MAP4K4: variants seen among roughly 807,000 people sequenced by gnomAD.
MAP4K4 encodes the protein mitogen-activated protein kinase kinase kinase kinase 4, also known as HPK/GCK-like kinase HGK.
A neutral mutation model predicts 189.6 loss-of-function variants in MAP4K4; 38 were observed. The ratio of observed to expected loss-of-function variants is 0.20; its 90% CI spans 0.15 to 0.26. MAP4K4 has a LOEUF of 0.26. Among genes scored for constraint, MAP4K4 ranks in the 10% least tolerant of loss-of-function variants. The pLI, the probability that MAP4K4 is intolerant of heterozygous loss-of-function variation, is 1.00. For missense variants in MAP4K4, 1,054 were observed against 1,726.9 expected (o/e 0.61, Z 6.91); for synonymous variants, 610 against 624.3 (o/e 0.98, Z 0.34).
intron 6 of MAP4K4, among the ~76,000 whole-genome samples, chr2:101,830,998 G>T (rs1325215944): frequency 1.3e-5 from 2 of 152,098 alleles, no homozygotes; most frequent in Non-Finnish European, 2.9e-5. Flanking sequence ...CTTTTTGCAT[G>T]GGCTCCTCCA....
chr2:101,810,441 C>T (rs1263538423), intron 3 of MAP4K4, among the ~76,000 whole-genome samples: 2 of 152,132 alleles, frequency 1.3e-5, no homozygotes, highest in African/African-American at 4.8e-5. Context: ...TCATTAGCCT[C>T]TTGCATTGGA....
At chr2:101,861,066 GT>G in intron 16 of MAP4K4, 80 bp downstream of exon 16, 1 of 1,325,590 alleles carries the variant, frequency 7.5e-7, no homozygotes, top group Non-Finnish European at 1.0e-6. Flanking sequence ...TAATATCACA[GT>G]TTAGTTTGTC....
rs781516950 is a variant in MAP4K4 at position 101,834,406 on chromosome 2, C to T, written c.640-3C>T. ...TCTGTAACGTACTGTTTTATTTTTG[C>T]AGAGTGATCTTTGGTCTTGTGGCAT... is the stretch of plus-strand genomic sequence containing the variant. On this transcript the variant is annotated splice_polypyrimidine_tract_variant and splice_region_variant and intron_variant, in intron 7 of 32. Transcript: ENST00000324219. 7 of 1,603,466 alleles carry T rather than the reference C, an allele frequency of 4.4e-6. No individual in the cohort carries two copies. The highest frequency in any genetic ancestry group is 2.2e-5 in the South Asian group (2 of 89,232).
intron 26 of MAP4K4, 60 bp from the exon 27 acceptor site, chr2:101,876,943 C>T (rs1246714467): frequency 6.4e-7 from 1 of 1,568,218 alleles, no homozygotes; most frequent in Non-Finnish European, 8.7e-7. Context: ...CCTTTCTATA[C>T]AACCTGGGGA....
chr2:101,810,159 C>A (rs2095324179), intron 3 of MAP4K4, among the ~76,000 whole-genome samples: 1 of 152,052 alleles, frequency 6.6e-6, no homozygotes, highest in Non-Finnish European at 1.5e-5. Context: ...AGGAGGGAAC[C>A]CTTTGGCTAA....
intron 14 of MAP4K4, 85 bp from the exon 15 acceptor site, chr2:101,859,558 C>CT (rs1407617301): frequency 4.6e-6 from 5 of 1,094,786 alleles, no homozygotes; most frequent in Non-Finnish European, 6.5e-6. Context: ...TATATGGTCA[C>CT]TTTTTTTAAA....
At chr2:101,890,373 T>C (rs2098548510) in intron 32 of MAP4K4, among the ~76,000 whole-genome samples, 1 of 152,138 alleles carries the variant, frequency 6.6e-6, no homozygotes, top group Admixed American at 6.5e-5. Flanking sequence ...CAAGCCTGAG[T>C]TGTAATAAAA....
chr2:101,792,629 T>TCCTCCTCCTCCTCC (rs1558948672), intron 3 of MAP4K4, among the ~76,000 whole-genome samples: 3 of 148,230 alleles, frequency 2.0e-5, no homozygotes, highest in African/African-American at 7.7e-5. Context: ...CTCCTCCTCC[T>TCCTCCTCCTCCTCC]TCTTCTTTCT....
At chr2:101,809,817 G>A (rs1359683524) in intron 3 of MAP4K4, among the ~76,000 whole-genome samples, 1 of 152,238 alleles carries the variant, frequency 6.6e-6, no homozygotes, top group Non-Finnish European at 1.5e-5. Flanking sequence ...GGACACAGCT[G>A]TGCAATTTTT....
intron 3 of MAP4K4, among the ~76,000 whole-genome samples, chr2:101,808,688 T>A (rs2095202457): frequency 6.6e-6 from 1 of 152,140 alleles, no homozygotes; most frequent in South Asian, 2.1e-4. Flanking sequence ...AATATAATTA[T>A]TCCAGGGATA....
intron 12 of MAP4K4, among the ~76,000 whole-genome samples, chr2:101,845,046 A>G (rs79585456): frequency 0.068 from 10,390 of 152,186 alleles, 466 homozygotes; most frequent in African/African-American, 0.13. Flanking sequence ...GGAAGGACCA[A>G]TATTGCCTGC....
At chr2:101,740,160 T>TCAATCATCATAA (rs1470322079) in intron 2 of MAP4K4, among the ~76,000 whole-genome samples, 38 of 114,646 alleles carry the variant, frequency 3.3e-4, no homozygotes, top group African/African-American at 1.3e-3. Context: ...TCTTTTTTTT[T>TCAATCATCATAA]TTTTTTTTTT....
chr2:101,867,826 T>A (rs1027783013), intron 20 of MAP4K4: 44 of 549,394 alleles, frequency 8.0e-5, no homozygotes, highest in Admixed American at 1.9e-4. Context: ...CTTCTCACCC[T>A]TCTCTTTTAA....
At chr2:101,759,088 G>A (rs569378507) in intron 2 of MAP4K4, among the ~76,000 whole-genome samples, 2 of 150,926 alleles carry the variant, frequency 1.3e-5, no homozygotes, top group South Asian at 2.1e-4. Flanking sequence ...AGCCGAGATC[G>A]CGTCACTGCA....
At chr2:101,791,770 C>T (rs980236596) in intron 3 of MAP4K4, among the ~76,000 whole-genome samples, 1 of 152,142 alleles carries the variant, frequency 6.6e-6, no homozygotes, top group African/African-American at 2.4e-5. Flanking sequence ...GGGTATTTGT[C>T]AGTAAGAATT....
chr2:101,815,410 C>T (rs542744356), intron 3 of MAP4K4, among the ~76,000 whole-genome samples: 8 of 152,132 alleles, frequency 5.3e-5, no homozygotes, highest in East Asian at 1.9e-4. Flanking sequence ...GCCCAACAGA[C>T]GTAATAGTTT....
At chr2:101,798,912 C>T (rs544888320) in intron 3 of MAP4K4, among the ~76,000 whole-genome samples, 1 of 152,278 alleles carries the variant, frequency 6.6e-6, no homozygotes, top group Non-Finnish European at 1.5e-5. Flanking sequence ...TAAATAACAG[C>T]AAGACCTCTT....
chr2:101,797,889 G>GTTTTTTTTTTTTTTTT lies in MAP4K4; in HGVS notation c.180+7119_180+7134dup, dbSNP rs58201235. ...TGAAGCTTTTTAAAACATTCTTTTAGTTTTTTTTTTTTTTTTTTTTTGGAG... is the reference window on the plus strand; with the variant it reads ...TGAAGCTTTTTAAAACATTCTTTTAGTTTTTTTTTTTTTTTTTTTTTTTTTTTTTTTTTTTTTGGAG... On this transcript the variant is annotated intron_variant, in intron 3 of 32. Coordinates refer to ENST00000324219, the Ensembl canonical transcript of MAP4K4. 2.5e-3 allele frequency among the ~76,000 whole-genome samples: 131 copies of GTTTTTTTTTTTTTTTT among 52,314 alleles called. 11 individuals carry two copies. Among genetic ancestry groups the GTTTTTTTTTTTTTTTT allele is most frequent in the South Asian group, 8.8e-3 (11 of 1,246 alleles). 34.3% of individuals were successfully genotyped at this position (52,314 alleles called of 152,430 possible). A position where few individuals can be genotyped will look rare whatever the true frequency, so the allele number is the denominator to read the frequency against.
chr2:101,712,396 G>C (rs917269957), intron 2 of MAP4K4, among the ~76,000 whole-genome samples: 61 of 151,940 alleles, frequency 4.0e-4, no homozygotes, highest in Admixed American at 4.0e-3. Context: ...GGGTTTCACC[G>C]TGTTAGCCAG....
Sources: allele counts gnomAD v4.1 joint callset (sites outside exome capture counted in the v4.1 genomes callset), GRCh38; gene constraint gnomAD v4.1.1; transcripts MANE v1.5; gene names NCBI Gene and HGNC (gene_info 2026-07-23, HGNC 2026-07-21).